The following PARVB variants were observed in gnomAD, a reference collection of about 807,000 sequenced individuals.
PARVB encodes beta-parvin.
A neutral mutation model predicts 47.0 loss-of-function variants in PARVB; 46 were observed. The observed-to-expected ratio is 0.98, with a 90% confidence interval of 0.77 to 1.25. PARVB has a LOEUF of 1.25. Among genes scored for constraint, PARVB ranks in the 50% most tolerant of loss-of-function variants. The probability of loss-of-function intolerance (pLI) is 0.00; values close to 1 mark genes in which losing one functional copy is unlikely to be tolerated. For missense variants in PARVB, 473 were observed against 471.6 expected, an observed-to-expected ratio of 1.00 and a Z score of -0.03; for synonymous variants, 196 against 196.3, an observed-to-expected ratio of 1.00 and a Z score of 0.01.
chr22:44,127,149 G>A lies in PARVB; in HGVS notation c.377-4338G>A, dbSNP rs945156218. Among the ~76,000 whole-genome samples the A allele has an allele frequency of 5.3e-5, 8 of 152,100 alleles. No homozygotes were observed. In the East Asian group the frequency reaches 1.3e-3, roughly 26 times the overall value. On this transcript the variant is annotated intron_variant, in intron 4 of 12. Coordinates refer to ENST00000338758, the MANE Select transcript of PARVB (RefSeq NM_013327.5). ...CTTTGGCTCAAGCAGCCTTTTTCTT[G>A]TGGAGTAGCTGCTGTTCCATCTTGT...
At chr22:44,123,521 C>T (rs1340595381) in intron 4 of PARVB, among the ~76,000 whole-genome samples, 4 of 152,178 alleles carry the variant, frequency 2.6e-5, no homozygotes, top group Non-Finnish European at 5.9e-5. Flanking sequence ...TCAGGTGATT[C>T]TCCCACCTTA....
chr22:44,116,995 G>T (rs58212814), intron 3 of PARVB, among the ~76,000 whole-genome samples: 1 of 152,184 alleles, frequency 6.6e-6, no homozygotes, highest in Non-Finnish European at 1.5e-5. Flanking sequence ...GAAGTAGGGT[G>T]AGAAGGCAAA....
At chr22:44,090,029 T>G (rs1201527824) in intron 1 of PARVB, among the ~76,000 whole-genome samples, 1 of 152,186 alleles carries the variant, frequency 6.6e-6, no homozygotes, top group East Asian at 1.9e-4. Context: ...ACCCTGTACA[T>G]CCACAGCTGC....
At chr22:44,021,759 TCACACA>T (rs3223605), upstream of PARVB, among the ~76,000 whole-genome samples, 10,983 of 102,088 alleles carry the variant, frequency 0.11, 524 homozygotes, top group Admixed American at 0.15. Flanking sequence ...AAGTCTAGAC[TCACACA>T]CACACACACA....
At chr22:44,153,516 A>G (rs1172032009) in intron 10 of PARVB, 1 of 152,040 alleles carries the variant, frequency 6.6e-6, no homozygotes, top group African/African-American at 2.4e-5. Context: ...TTTTTAGTAG[A>G]GATGGGGTTT....
At chr22:44,023,527 TAAAAC>T (rs1017139457), upstream of PARVB, among the ~76,000 whole-genome samples, 33 of 93,252 alleles carry the variant, frequency 3.5e-4, 1 homozygote, top group Admixed American at 9.5e-4. Context: ...TAAAATAAAA[TAAAAC>T]AAAACAAAAT....
At chr22:44,156,257 G>A (rs1016902395) in intron 10 of PARVB, among the ~76,000 whole-genome samples, 1 of 144,740 alleles carries the variant, frequency 6.9e-6, no homozygotes, top group Admixed American at 6.9e-5. Flanking sequence ...GATATTGGAT[G>A]TTTGTGATTT....
chr22:44,092,852 T>C (rs2052205576), intron 1 of PARVB, among the ~76,000 whole-genome samples: 1 of 152,230 alleles, frequency 6.6e-6, no homozygotes, highest in Admixed American at 6.5e-5. Context: ...CTGTGGAGGC[T>C]GGATGTCCAG....
At chr22:44,147,816 G>A in intron 8 of PARVB, 45 bp from the exon 9 acceptor site, 1 of 1,567,194 alleles carries the variant, frequency 6.4e-7, no homozygotes, top group Non-Finnish European at 8.8e-7. Context: ...CAGCACCACG[G>A]GTTTCCATAA....
In PARVB at chr22:44,168,925, G is replaced by A. The variant is rs896068752; in HGVS notation, c.*247G>A. The A allele has an allele frequency of 1.7e-5, 8 of 466,902 alleles. No individual in the cohort carries two copies. Among genetic ancestry groups the A allele is most frequent in the African/African-American group, 3.9e-5 (2 of 50,816 alleles). 28.9% of individuals were successfully genotyped at this position (466,902 alleles called of 1,614,324 possible). ...TGAAAATGCAGGATTCTAAACACTC[G>A]TGCTTGCGTTTGAAGCCTCGCGTCA... is the stretch of plus-strand genomic sequence containing the variant. On this transcript the variant is annotated 3_prime_UTR_variant, in exon 13 of 13. Transcript: ENST00000338758.
chr22:44,018,547 C>T (rs1014982178), intron 2 of PARVB, among the ~76,000 whole-genome samples: 1 of 152,208 alleles, frequency 6.6e-6, no homozygotes, highest in Non-Finnish European at 1.5e-5. Flanking sequence ...CAGTCATTCT[C>T]CAGGTTTTGG....
chr22:44,127,750 G>T (rs1479208748), intron 4 of PARVB, among the ~76,000 whole-genome samples: 6 of 38,808 alleles, frequency 1.5e-4, no homozygotes, highest in Non-Finnish European at 3.3e-4. Context: ...AAATTGCCCA[G>T]AGTGAACCAG....
At chr22:44,156,181 C>T (rs1310406938) in intron 10 of PARVB, among the ~76,000 whole-genome samples, 1 of 152,116 alleles carries the variant, frequency 6.6e-6, no homozygotes, top group African/African-American at 2.4e-5. Context: ...GACTGTTGCC[C>T]ACTGGCACTA....
intron 4 of PARVB, among the ~76,000 whole-genome samples, chr22:44,122,357 G>A (rs1402249412): frequency 6.6e-6 from 1 of 151,976 alleles, no homozygotes; most frequent in Admixed American, 6.6e-5. Context: ...TGTGCACCGT[G>A]CACCTGTATT....
At chr22:44,122,554 CACAGAGACAGAGAGAGAGAGAGAGAGAG>C (rs1569134536) in intron 4 of PARVB, among the ~76,000 whole-genome samples, 3,054 of 54,066 alleles carry the variant, frequency 0.056, 261 homozygotes, top group African/African-American at 0.16. Flanking sequence ...GAGAGAGAGA[CACAGAGACAGAGAGAGAGAGAGAGAGAG>C]AGAGAGAGAG....
At chr22:44,045,142 G>T (rs938598055) in intron 1 of PARVB, among the ~76,000 whole-genome samples, 1 of 152,062 alleles carries the variant, frequency 6.6e-6, no homozygotes, top group East Asian at 1.9e-4. Context: ...CCCCTGCAGG[G>T]GCAGGGGGCT....
chr22:44,070,568 A>G (rs1466272329), intron 1 of PARVB, among the ~76,000 whole-genome samples: 1 of 152,150 alleles, frequency 6.6e-6, no homozygotes, highest in Non-Finnish European at 1.5e-5. Context: ...TCTTTTTCAC[A>G]GGCTTTTTGT....
At chr22:44,159,076 C>T (rs1006995236) in intron 11 of PARVB, among the ~76,000 whole-genome samples, 33 of 151,924 alleles carry the variant, frequency 2.2e-4, no homozygotes, top group Admixed American at 2.6e-4. Context: ...AGAGAGAGAG[C>T]GAGCGAGCGA....
intron 1 of PARVB, among the ~76,000 whole-genome samples, chr22:44,081,203 A>T (rs892574543): frequency 1.3e-5 from 2 of 152,060 alleles, no homozygotes; most frequent in African/African-American, 4.8e-5. Flanking sequence ...TGGTTCTTTG[A>T]GTATCTCAGG....
Sources: gnomAD v4.1 joint callset for allele counts (sites outside exome capture counted in the v4.1 genomes callset) on GRCh38, gnomAD v4.1.1 for gene constraint, MANE v1.5 for transcripts, NCBI Gene and HGNC (gene_info 2026-07-23, HGNC 2026-07-21) for gene names.